The following SNX25 variants were observed in gnomAD, a reference collection of about 807,000 sequenced individuals.
The protein encoded by SNX25 is sorting nexin-25.
SNX25 carries 62 observed loss-of-function variants against 113.7 expected under a neutral mutation model. The observed-to-expected ratio is 0.55, with a 90% CI of 0.44 to 0.67. The LOEUF (loss-of-function observed/expected upper bound fraction) is 0.67. SNX25 is among the 30% of genes least tolerant of loss of function. The pLI is 0.00. For synonymous variants in SNX25, 421 were observed against 436.2 expected (o/e 0.97, Z 0.43); for missense variants, 1,014 against 1,161.0 (o/e 0.87, Z 1.84).
intron 1 of SNX25, among the ~76,000 whole-genome samples, chr4:185,240,032 A>T (rs1307846041): frequency 2.6e-5 from 4 of 151,172 alleles, no homozygotes; most frequent in Admixed American, 2.0e-4. Flanking sequence ...CCCTTAATCC[A>T]TTCAACCCTG....
Position 185,264,426 on chromosome 4 carries a change from C to CT in SNX25, c.732-11dup. 1 of 1,606,424 alleles carries CT rather than the reference C, an allele frequency of 6.2e-7. No homozygotes were observed. Among genetic ancestry groups the CT allele is most frequent in the Non-Finnish European group, 8.5e-7 (1 of 1,176,574 alleles). ...GAAACTTCTTTCCTTCTTTTTCACT[C>CT]TCTTTATTTAGACATGAAGAACAGC... On this transcript the variant is annotated splice_polypyrimidine_tract_variant and intron_variant, in intron 3 of 18. Transcript: ENST00000652585.
chr4:185,213,677 C>A (rs1001586264), intron 1 of SNX25, among the ~76,000 whole-genome samples: 1 of 152,152 alleles, frequency 6.6e-6, no homozygotes, highest in African/African-American at 2.4e-5. Flanking sequence ...ATTTACTAGC[C>A]ACAGTTACTT....
intron 3 of SNX25, among the ~76,000 whole-genome samples, chr4:185,261,090 TTCTG>T (rs1251246700): frequency 8.0e-4 from 121 of 150,810 alleles, no homozygotes; most frequent in Non-Finnish European, 1.4e-3. Context: ...GAGGACAGTA[TTCTG>T]TCTGTCTGTC....
At chr4:185,325,393 T>C (rs1045509038) in intron 9 of SNX25, among the ~76,000 whole-genome samples, 3 of 151,868 alleles carry the variant, frequency 2.0e-5, no homozygotes, top group African/African-American at 4.8e-5. Flanking sequence ...ATTAGCTGGG[T>C]GTGATAGCAT....
rs751192298 is a variant in SNX25, at chr4:185,346,572, T to C, written c.2223T>C (p.Ser741=). 3 of 1,598,080 alleles carry C rather than the reference T, an allele frequency of 1.9e-6. No individual in the cohort carries two copies. Among genetic ancestry groups the C allele is most frequent in the East Asian group, 4.5e-5 (2 of 44,386 alleles). ...VPSLKKVQLP[S]LSKLPFKSID... ...CTTTAAAAAAAGTCCAGTTGCCTTC[T>C]CTTAGCAAGCTGCCTTTCAAATCTA... is the stretch of plus-strand genomic sequence containing the variant. The change falls in exon 13 of 19, where the codon TCT becomes TCC. Residue 741 remains serine (S), a synonymous_variant. Transcript: ENST00000652585.
At position 185,351,624 on chromosome 4, in the gene SNX25, G is replaced by A. The variant is rs779242300; in HGVS notation, c.2466+15G>A. 1.9e-6 allele frequency: 3 copies of A among 1,611,858 alleles called. No homozygotes were observed. The highest frequency in any genetic ancestry group is 2.5e-6 in the Non-Finnish European group (3 of 1,179,100). On this transcript the variant is annotated intron_variant, in intron 14 of 18. Coordinates refer to ENST00000652585, the MANE Select transcript of SNX25 (RefSeq NM_001378034.2). ...CCCACCAGGAGGTGAGCCGTTGAAAGAGTGAACCACTTTTGTAGTGTATTT... is the reference window on the plus strand; with the variant it reads ...CCCACCAGGAGGTGAGCCGTTGAAAAAGTGAACCACTTTTGTAGTGTATTT...
intron 10 of SNX25, among the ~76,000 whole-genome samples, chr4:185,336,037 T>TA (rs2095227845): frequency 6.6e-6 from 1 of 152,198 alleles, no homozygotes. Context: ...ACTACAGAGT[T>TA]ACATAACCCT....
chr4:185,324,631 G>A (rs2095143396), intron 9 of SNX25, among the ~76,000 whole-genome samples: 1 of 152,122 alleles, frequency 6.6e-6, no homozygotes, highest in Admixed American at 6.5e-5. Context: ...ATTTATCTTA[G>A]GGTTGGAACG....
intron 6 of SNX25, among the ~76,000 whole-genome samples, chr4:185,305,413 C>CT (rs1754321250): frequency 2.0e-5 from 3 of 152,092 alleles, no homozygotes; most frequent in Non-Finnish European, 4.4e-5. Context: ...TGGTGTTTTT[C>CT]TTTTTTTATA....
At chr4:185,298,145 A>G (rs1475438876) in intron 6 of SNX25, among the ~76,000 whole-genome samples, 1 of 145,908 alleles carries the variant, frequency 6.9e-6, no homozygotes, top group Non-Finnish European at 1.5e-5. Flanking sequence ...CTGCAGTGCA[A>G]TGGCACAATC....
At chr4:185,238,065 A>C (rs866131910) in intron 1 of SNX25, among the ~76,000 whole-genome samples, 7,315 of 147,380 alleles carry the variant, frequency 0.05, 206 homozygotes, top group East Asian at 0.12. Context: ...TCCATCTCAA[A>C]AAAAAAAAAA....
At chr4:185,372,631 C>T (rs578193401), downstream of SNX25, among the ~76,000 whole-genome samples, 26 of 152,174 alleles carry the variant, frequency 1.7e-4, no homozygotes, top group Non-Finnish European at 3.4e-4. Context: ...TAAGAGGCGA[C>T]GAGGCCATGA....
intron 13 of SNX25, among the ~76,000 whole-genome samples, chr4:185,348,479 G>A (rs1001361448): frequency 5.9e-5 from 9 of 151,718 alleles, no homozygotes; most frequent in Admixed American, 2.6e-4. Flanking sequence ...TGCAACCTCC[G>A]CCACCTGGGT....
intron 14 of SNX25, among the ~76,000 whole-genome samples, chr4:185,352,506 T>G (rs1191242253): frequency 6.6e-6 from 1 of 152,230 alleles, no homozygotes; most frequent in Non-Finnish European, 1.5e-5. Flanking sequence ...TTCCTTCATG[T>G]GTCCGTCTGT....
chr4:185,246,215 G>T (rs1409770085), intron 1 of SNX25, among the ~76,000 whole-genome samples: 2 of 152,186 alleles, frequency 1.3e-5, no homozygotes, highest in East Asian at 3.8e-4. Flanking sequence ...AACCTGGGAG[G>T]CGGAGGTTGC....
intron 13 of SNX25, among the ~76,000 whole-genome samples, chr4:185,348,545 T>C (rs140468121): frequency 0.01 from 1,524 of 152,166 alleles, 42 homozygotes; most frequent in Admixed American, 0.053. Flanking sequence ...GACAGGCTCA[T>C]GCCACCACAC....
At chr4:185,344,062 A>G (rs1298377489) in intron 12 of SNX25, among the ~76,000 whole-genome samples, 1 of 152,102 alleles carries the variant, frequency 6.6e-6, no homozygotes, top group Non-Finnish European at 1.5e-5. Flanking sequence ...TCTACTAAAA[A>G]TACAAAAAAT....
At chr4:185,342,282 C>T (rs1262314972) in intron 12 of SNX25, among the ~76,000 whole-genome samples, 166 bp downstream of exon 12, 2 of 152,228 alleles carry the variant, frequency 1.3e-5, no homozygotes, top group African/African-American at 2.4e-5. Flanking sequence ...ACCATCTAGT[C>T]TAGCCTAAGT....
In SNX25 at chr4:185,363,317, G is replaced by T; in HGVS notation, c.2935-68G>T. 2 of 1,462,850 alleles carry T rather than the reference G, an allele frequency of 1.4e-6. No homozygotes were observed. The highest frequency in any genetic ancestry group is 2.3e-5 in the South Asian group (2 of 85,220). The allele number at this position is 1,462,850 out of a possible 1,614,324, so 90.6% of individuals were successfully genotyped here. A position where few individuals can be genotyped will look rare whatever the true frequency, so the allele number is the denominator to read the frequency against. On this transcript the variant is annotated intron_variant, in intron 18 of 18. Transcript: ENST00000652585. This position sits in a 1 kb window ranked among gnomAD's most constrained non-coding sequence, Gnocchi z 4.2. ...AAATTAGACTTTTCTCTTAGATGCA[G>T]ATATTTATTTTGAATAAACCCTTGG... is the stretch of plus-strand genomic sequence containing the variant.
Sources: allele counts gnomAD v4.1 joint callset (sites outside exome capture counted in the v4.1 genomes callset), GRCh38; gene constraint gnomAD v4.1.1; non-coding constraint Gnocchi (gnomAD v3.1); transcripts MANE v1.5; gene names NCBI Gene and HGNC (gene_info 2026-07-23, HGNC 2026-07-21).